The following PACRG variants were observed in gnomAD, a reference collection of about 807,000 sequenced individuals.
The protein encoded by PACRG is parkin coregulated, also known as parkin coregulated gene protein.
A neutral mutation model predicts 29.7 loss-of-function variants in PACRG; 29 were observed. The ratio of observed to expected loss-of-function variants is 0.98; its 90% CI spans 0.73 to 1.33. The LOEUF (loss-of-function observed/expected upper bound fraction) is 1.33, where lower values mean the gene tolerates loss of function less well. Ranked by LOEUF, PACRG falls within the 40% of genes most tolerant of loss-of-function variation. The pLI is 0.00. For missense variants in PACRG, 279 were observed against 316.2 expected (o/e 0.88, Z 0.89); for synonymous variants, 116 against 118.7 (o/e 0.98, Z 0.15).
intron 4 of PACRG, among the ~76,000 whole-genome samples, chr6:163,175,117 T>G (rs1177896666): frequency 2.0e-5 from 3 of 152,160 alleles, no homozygotes; most frequent in Non-Finnish European, 4.4e-5. Context: ...AACCCAGAAC[T>G]CTATACCTCT....
chr6:162,732,842 T>TA (rs1779878861), intron 1 of PACRG, among the ~76,000 whole-genome samples: 1 of 152,148 alleles, frequency 6.6e-6, no homozygotes. Flanking sequence ...TCCCAATTCT[T>TA]ATAGAAAAAA....
intron 1 of PACRG, among the ~76,000 whole-genome samples, chr6:162,767,838 T>A (rs1049631199): frequency 1.3e-5 from 2 of 152,052 alleles, no homozygotes; most frequent in African/African-American, 4.8e-5. Context: ...TTTGAATTTT[T>A]ACTACACATA....
At chr6:163,265,605 ATTAT>A (rs1562347078) in intron 4 of PACRG, among the ~76,000 whole-genome samples, 5 of 152,314 alleles carry the variant, frequency 3.3e-5, no homozygotes, top group Admixed American at 2.0e-4. Context: ...TGATGTTATT[ATTAT>A]TTGTTATTAC....
At chr6:162,861,567 C>T (rs532852449) in intron 2 of PACRG, among the ~76,000 whole-genome samples, 1 of 152,194 alleles carries the variant, frequency 6.6e-6, no homozygotes, top group African/African-American at 2.4e-5. Context: ...GCGAAAGCAA[C>T]TGAGACCCTG....
intron 1 of PACRG, among the ~76,000 whole-genome samples, chr6:162,808,773 C>T (rs1786580467): frequency 6.6e-6 from 1 of 152,062 alleles, no homozygotes; most frequent in African/African-American, 2.4e-5. Context: ...TTGCATTTTC[C>T]CACAAATCTC....
At chr6:162,987,007 T>G (rs1224474673) in intron 2 of PACRG, among the ~76,000 whole-genome samples, 1 of 152,150 alleles carries the variant, frequency 6.6e-6, no homozygotes, top group African/African-American at 2.4e-5. Context: ...CCTTCTGAAT[T>G]TTTTATTTGG....
intron 1 of PACRG, among the ~76,000 whole-genome samples, chr6:162,782,178 A>G (rs1480368269): frequency 6.6e-6 from 1 of 151,934 alleles, no homozygotes; most frequent in South Asian, 2.1e-4. Flanking sequence ...GGATCATTAC[A>G]TCGGAATAAA....
At chr6:162,856,488 A>G (rs1028914289) in intron 2 of PACRG, among the ~76,000 whole-genome samples, 4 of 152,328 alleles carry the variant, frequency 2.6e-5, no homozygotes, top group Admixed American at 6.5e-5. Context: ...GTCCAAGCCC[A>G]GGAGATGATC....
At position 162,822,888 on chromosome 6, in the gene PACRG, CAT is replaced by C. The variant is rs549140243; in HGVS notation, c.291+8608_291+8609del. Among the ~76,000 whole-genome samples, 324 of 152,028 alleles carry C rather than the reference CAT, an allele frequency of 2.1e-3. 4 individuals are homozygous for C. Among genetic ancestry groups the C allele is most frequent in the Non-Finnish European group, 3.0e-3 (206 of 67,972 alleles). On this transcript the variant is annotated intron_variant, in intron 2 of 4. Coordinates refer to ENST00000366888, the MANE Select transcript of PACRG (RefSeq NM_001080379.2). Reference sequence around the variant, plus strand: ...GTATATTATAACACATGTATTATAACATGTATTATAACATATATGTATATGTA... The same window carrying C: ...GTATATTATAACACATGTATTATAACGTATTATAACATATATGTATATGTA...
At chr6:163,171,764 A>G (rs1166669632) in intron 4 of PACRG, among the ~76,000 whole-genome samples, 3 of 152,158 alleles carry the variant, frequency 2.0e-5, no homozygotes, top group East Asian at 1.9e-4. Context: ...CTGAAAAACA[A>G]CTGTCTCCTC....
At chr6:163,050,150 T>G (rs962344750) in intron 2 of PACRG, among the ~76,000 whole-genome samples, 1 of 152,140 alleles carries the variant, frequency 6.6e-6, no homozygotes, top group African/African-American at 2.4e-5. Flanking sequence ...TCTCTCCATA[T>G]TTTTTCCTGG....
chr6:163,091,217 A>G (rs1482558372), intron 4 of PACRG, among the ~76,000 whole-genome samples: 1 of 152,238 alleles, frequency 6.6e-6, no homozygotes, highest in Non-Finnish European at 1.5e-5. Context: ...CCTCAAGGAA[A>G]TCTATAAAGA....
chr6:162,763,111 A>G (rs1290539951), intron 1 of PACRG, among the ~76,000 whole-genome samples: 1 of 152,248 alleles, frequency 6.6e-6, no homozygotes, highest in Non-Finnish European at 1.5e-5. Flanking sequence ...CAAATTTACA[A>G]TATCCATTCA....
In PACRG at chr6:162,958,858, T is replaced by G. The variant is rs1379224391; in HGVS notation, c.292-103292T>G. Among the ~76,000 whole-genome samples, 11 of 47,368 alleles carry G rather than the reference T, an allele frequency of 2.3e-4. No individual in the cohort carries two copies. The South Asian group carries it at 6.9e-3, about 30-fold the overall frequency. 31.1% of individuals were successfully genotyped at this position (47,368 alleles called of 152,430 possible). On this transcript the variant is annotated intron_variant, in intron 2 of 4. Coordinates refer to ENST00000366888, the MANE Select transcript of PACRG (RefSeq NM_001080379.2). Reference sequence around the variant, plus strand: ...ATAGAGCATATATAGAGCATATATATATATATATATATATATATATATATA... The same window carrying G: ...ATAGAGCATATATAGAGCATATATAGATATATATATATATATATATATATA...
chr6:163,262,146 G>A (rs998790361), intron 4 of PACRG, among the ~76,000 whole-genome samples: 1 of 152,190 alleles, frequency 6.6e-6, no homozygotes, highest in Non-Finnish European at 1.5e-5. Context: ...AAACGGCCCT[G>A]GCCCAAGACT....
chr6:163,282,935 G>A (rs1451281842), intron 4 of PACRG, among the ~76,000 whole-genome samples: 1 of 152,134 alleles, frequency 6.6e-6, no homozygotes, highest in African/African-American at 2.4e-5. Flanking sequence ...ACCTGCCACT[G>A]GGGCAAATTT....
chr6:162,893,101 G>T (rs1344489221), intron 2 of PACRG, among the ~76,000 whole-genome samples: 1 of 151,492 alleles, frequency 6.6e-6, no homozygotes, highest in Non-Finnish European at 1.5e-5. Flanking sequence ...CGGGGTGAGG[G>T]CTATGAATGA....
rs368878258 is a variant in PACRG, at chr6:163,250,883, G to GTATATA, written c.614-63925_614-63920dup. On this transcript the variant is annotated intron_variant, in intron 4 of 4. Transcript: ENST00000366888. ...TCAATGAGTGGATAAAGAAATTGTT[G>GTATATA]TATATATATATATATATATATATAC... is the stretch of plus-strand genomic sequence containing the variant. Among the ~76,000 whole-genome samples the GTATATA allele has an allele frequency of 6.3e-3, 867 of 138,078 alleles. 12 individuals carry two copies. Among genetic ancestry groups the GTATATA allele is most frequent in the Middle Eastern group, 0.015 (4 of 264 alleles). 90.6% of individuals were successfully genotyped at this position (138,078 alleles called of 152,430 possible).
At chr6:162,981,465 C>A (rs980874989) in intron 2 of PACRG, among the ~76,000 whole-genome samples, 1 of 151,666 alleles carries the variant, frequency 6.6e-6, no homozygotes, top group African/African-American at 2.4e-5. Flanking sequence ...AGTCAGGTAA[C>A]GTGATGCCTC....
Sources: gnomAD v4.1 joint callset for allele counts (sites outside exome capture counted in the v4.1 genomes callset) on GRCh38, gnomAD v4.1.1 for gene constraint, MANE v1.5 for transcripts, NCBI Gene and HGNC (gene_info 2026-07-23, HGNC 2026-07-21) for gene names.